Variants in KIF2C observed in about 807,000 individuals in gnomAD.
KIF2C encodes the protein kinesin family member 2C.
Under a neutral mutation model 97.4 loss-of-function variants are expected in KIF2C, and 34 were observed. The observed-to-expected ratio is 0.35, with a 90% CI of 0.27 to 0.46. The LOEUF is 0.46. KIF2C is among the 20% of genes least tolerant of loss of function. KIF2C has a pLI of 1.00. For missense variants in KIF2C, 750 were observed against 907.6 expected, an observed-to-expected ratio of 0.83 and a Z score of 2.23; for synonymous variants, 313 against 318.2, an observed-to-expected ratio of 0.98 and a Z score of 0.17.
At position 44,747,379 on chromosome 1, in the gene KIF2C, T is replaced by TG. The variant is rs1649263177; in HGVS notation, c.166-4dup. On this transcript the variant is annotated splice_polypyrimidine_tract_variant and splice_region_variant and intron_variant, in intron 2 of 20. Coordinates refer to ENST00000372224, the MANE Select transcript of KIF2C (RefSeq NM_006845.4). ...TTCATTGAAACTTTTACTTGCTCCT[T>TG]GCAGATTGATTTTGATGATGTGGCT... 1 of 1,605,178 alleles carries TG rather than the reference T, an allele frequency of 6.2e-7. No individual in the cohort carries two copies. The highest frequency in any genetic ancestry group is 1.3e-5 in the African/African-American group (1 of 74,514).
Position 44,750,480 on chromosome 1 carries a change from G to C in KIF2C, c.355G>C (p.Glu119Gln), listed in dbSNP as rs376189081. ...CTCCACTCGCATGTCCACTGTCTCA[G>C]AGCTTCGCATCACGGCTCAGGAGAA... ...SRSTRMSTVS[E>Q]LRITAQENDM... The change falls in exon 5 of 21, where the codon GAG (glutamate) becomes CAG (glutamine). Residue 119 changes from glutamate to glutamine, a missense_variant. Transcript: ENST00000372224. The C allele has an allele frequency of 3.0e-5, 48 of 1,587,752 alleles. No homozygotes were observed. Among genetic ancestry groups the C allele is most frequent in the Non-Finnish European group, 4.0e-5 (47 of 1,164,852 alleles).
At chr1:44,765,686 A>T (rs7518836) in intron 19 of KIF2C, among the ~76,000 whole-genome samples, 125,383 of 152,136 alleles carry the variant, frequency 0.82, 52,139 homozygotes, top group African/African-American at 0.89. Flanking sequence ...ATAAAAAAAA[A>T]TAGCCTGGTG....
intron 2 of KIF2C, among the ~76,000 whole-genome samples, chr1:44,741,546 G>A (rs926500600): frequency 6.6e-6 from 1 of 152,160 alleles, no homozygotes; most frequent in South Asian, 2.1e-4. Context: ...TTATCAGGGT[G>A]TGGTGGCTCA....
intron 5 of KIF2C, among the ~76,000 whole-genome samples, chr1:44,751,507 C>CT (rs58381189): frequency 0.021 from 2,611 of 125,648 alleles, 41 homozygotes; most frequent in Non-Finnish European, 0.026. Flanking sequence ...TCTTTTTGTA[C>CT]TTTTTTTTTT....
At chr1:44,744,166 G>C (rs1405338059) in intron 2 of KIF2C, among the ~76,000 whole-genome samples, 1 of 151,654 alleles carries the variant, frequency 6.6e-6, no homozygotes, top group East Asian at 1.9e-4. Flanking sequence ...CTCCCTCAGT[G>C]AGCCGATTTC....
chr1:44,747,522 G>T, intron 3 of KIF2C, 37 bp downstream of exon 3: 1 of 1,588,974 alleles, frequency 6.3e-7, no homozygotes, highest in Non-Finnish European at 8.6e-7. Flanking sequence ...CAGTGCGCCA[G>T]AGAATTCACT....
intron 19 of KIF2C, among the ~76,000 whole-genome samples, chr1:44,766,273 C>T (rs1313729559): frequency 6.6e-6 from 1 of 151,810 alleles, no homozygotes; most frequent in Non-Finnish European, 1.5e-5. Context: ...GCTTGGGCAT[C>T]AGGACCAATG....
intron 19 of KIF2C, among the ~76,000 whole-genome samples, chr1:44,765,659 C>T (rs1305905751): frequency 6.6e-6 from 1 of 152,068 alleles, no homozygotes; most frequent in Non-Finnish European, 1.5e-5. Context: ...ATAGTGAAAC[C>T]CTGTCTCTAC....
chr1:44,740,399 A>G (rs1440114230), intron 1 of KIF2C, among the ~76,000 whole-genome samples: 1 of 152,222 alleles, frequency 6.6e-6, no homozygotes, highest in African/African-American at 2.4e-5. Flanking sequence ...AACGGGACAG[A>G]CAAGAACCCT....
At chr1:44,759,883 T>C (rs1161764941) in intron 14 of KIF2C, among the ~76,000 whole-genome samples, 1 of 152,090 alleles carries the variant, frequency 6.6e-6, no homozygotes, top group Non-Finnish European at 1.5e-5. Flanking sequence ...GCTGTAGACA[T>C]TGGTACAGTG....
chr1:44,749,454 A>AG (rs1649392415), intron 4 of KIF2C, among the ~76,000 whole-genome samples: 1 of 150,164 alleles, frequency 6.7e-6, no homozygotes, highest in African/African-American at 2.4e-5. Context: ...AAGAAAAAAA[A>AG]TTACAGATCA....
In KIF2C at chr1:44,762,674, T is replaced by TG. The variant is rs1650228736; in HGVS notation, c.1971+18dup. 6.4e-7 allele frequency: 1 copy of TG among 1,563,648 alleles called. No homozygotes were observed. Among genetic ancestry groups the TG allele is most frequent in the South Asian group, 1.1e-5 (1 of 90,034 alleles). On this transcript the variant is annotated intron_variant, in intron 19 of 20. Transcript: ENST00000372224. ...GATCATACAGGTAGGCAGCTGGCCC[T>TG]GGACAGGGAGCTGGATGCAGCACGG... is the stretch of plus-strand genomic sequence containing the variant.
At chr1:44,762,706 G>A (rs766507076) in intron 19 of KIF2C, 48 bp downstream of exon 19, 2 of 1,222,914 alleles carry the variant, frequency 1.6e-6, no homozygotes, top group Non-Finnish European at 2.4e-6. Flanking sequence ...ACGGCCCTCA[G>A]TATGCTCCAC....
At position 44,760,309 on chromosome 1, in the gene KIF2C, A is replaced by C; in HGVS notation, c.1397A>C (p.Asn466Thr). The stretch of plus-strand genomic sequence containing the variant: ...TCTGGGCAGACATTTGCCAACTCCA[A>C]TTCCTCCCGCTCCCACGCGTGCTTC... The part of the protein sequence containing the change: ...RTSGQTFANS[N>T]SSRSHACFQI... The change falls in exon 15 of 21, where the codon AAT becomes ACT. Residue 466 changes from asparagine (N) to threonine (T), a missense_variant. By Grantham distance (65) the Asn-to-Thr change is moderately conservative (BLOSUM62 0). Coordinates refer to ENST00000372224, the MANE Select transcript of KIF2C (RefSeq NM_006845.4). The surrounding 1 kb of genome is among the most constrained non-coding windows in gnomAD (Gnocchi z 4.2). 1 of 1,614,076 alleles carries C rather than the reference A, an allele frequency of 6.2e-7. No individual in the cohort carries two copies. The highest frequency in any genetic ancestry group is 1.1e-5 in the South Asian group (1 of 91,080).
At chr1:44,764,369 G>A (rs1007812588) in intron 19 of KIF2C, among the ~76,000 whole-genome samples, 3 of 152,014 alleles carry the variant, frequency 2.0e-5, no homozygotes, top group African/African-American at 7.2e-5. Context: ...TAGAGATGGG[G>A]TTTTACCATG....
chr1:44,752,720 C>T (rs1649594420), intron 5 of KIF2C, among the ~76,000 whole-genome samples: 1 of 152,170 alleles, frequency 6.6e-6, no homozygotes, highest in Admixed American at 6.5e-5. Context: ...CCCCAGTTCC[C>T]TGTCACCCTA....
chr1:44,745,504 G>C (rs1468018503), intron 2 of KIF2C, among the ~76,000 whole-genome samples: 3 of 85,750 alleles, frequency 3.5e-5, no homozygotes, highest in Non-Finnish European at 6.3e-5. Flanking sequence ...ACAGTGTTTC[G>C]CTCTTGTTGC....
Position 44,750,468 on chromosome 1 carries a change from T to C in KIF2C, c.343T>C (p.Ser115Pro). Residue 115 changes from serine to proline, a missense_variant, in exon 5 of 21, where the codon TCC (serine) becomes CCC (proline). Physicochemically the swap from Ser to Pro is moderately conservative, Grantham distance 74. Coordinates refer to ENST00000372224, the MANE Select transcript of KIF2C (RefSeq NM_006845.4). The part of the protein sequence containing the change: ...ESLRSRSTRM[S>P]TVSELRITAQ... Reference sequence around the variant, plus strand: ...TCTTCGAAGCCGCTCCACTCGCATGTCCACTGTCTCAGAGCTTCGCATCAC... The same window carrying C: ...TCTTCGAAGCCGCTCCACTCGCATGCCCACTGTCTCAGAGCTTCGCATCAC... 6.4e-7 allele frequency: 1 copy of C among 1,561,226 alleles called. No homozygotes were observed. Among genetic ancestry groups the C allele is most frequent in the Non-Finnish European group, 8.7e-7 (1 of 1,149,652 alleles).
chr1:44,752,230 C>T (rs1332428609), intron 5 of KIF2C, among the ~76,000 whole-genome samples: 1 of 151,140 alleles, frequency 6.6e-6, no homozygotes, highest in Non-Finnish European at 1.5e-5. Context: ...GCTCTGCCTC[C>T]CGGGTTCATG....
Sources: allele counts gnomAD v4.1 joint callset (sites outside exome capture counted in the v4.1 genomes callset), GRCh38; gene constraint gnomAD v4.1.1; non-coding constraint Gnocchi (gnomAD v3.1); transcripts MANE v1.5; gene names NCBI Gene and HGNC (gene_info 2026-07-23, HGNC 2026-07-21).